MSH5: variants seen among roughly 807,000 people sequenced by gnomAD.
MSH5 encodes mutS protein homolog 5.
A neutral mutation model predicts 107.7 loss-of-function variants in MSH5; 78 were observed. That is an observed-to-expected ratio of 0.72 (90% CI 0.60 to 0.87). The LOEUF (loss-of-function observed/expected upper bound fraction) is 0.87. Ranked by LOEUF, MSH5 falls within the 40% of genes least tolerant of loss-of-function variation. The pLI, the probability that MSH5 is intolerant of heterozygous loss-of-function variation, is 0.00. For synonymous variants in MSH5, 326 were observed against 399.5 expected (o/e 0.82, Z 2.19); for missense variants, 889 against 1,046.6 (o/e 0.85, Z 2.08).
intron 5 of MSH5, 124 bp downstream of exon 5, chr6:31,743,294 A>G: frequency 1.0e-6 from 1 of 999,496 alleles, no homozygotes; most frequent in Non-Finnish European, 1.6e-6. Context: ...TGTGCTCCTC[A>G]TGCCCTATGA....
chr6:31,748,500 C>G (rs937787242), intron 10 of MSH5, among the ~76,000 whole-genome samples: 2 of 151,812 alleles, frequency 1.3e-5, no homozygotes, highest in South Asian at 2.1e-4. Context: ...AGGCGCCCAC[C>G]ACCACACCTG....
rs1235859444 is a variant in MSH5, at chr6:31,740,675, T to G, written c.147+62T>G. ...ATGGGAAGTTAGAATAAAAGAGGGT[T>G]GGGAGCCGGGCGCGGTGGCTCACAC... is the stretch of plus-strand genomic sequence containing the variant. On this transcript the variant is annotated intron_variant, in intron 2 of 24. Coordinates refer to ENST00000375750, the MANE Select transcript of MSH5 (RefSeq NM_172166.4). This position sits in a 1 kb window ranked among gnomAD's most constrained non-coding sequence, Gnocchi z 4.4. 7.0e-7 allele frequency: 1 copy of G among 1,430,740 alleles called. No homozygotes were observed. The highest frequency in any genetic ancestry group is 3.0e-5 in the Admixed American group (1 of 33,482). 88.6% of individuals were successfully genotyped at this position (1,430,740 alleles called of 1,614,324 possible).
rs760382710 is a variant in MSH5 at position 31,740,540 on chromosome 6, C to T, written c.74C>T (p.Pro25Leu). ...PRPGAASSGF[P>L]SPAPVPGPRE... The stretch of plus-strand genomic sequence containing the variant: ...CCTGGGGCGGCCTCCTCCGGCTTCC[C>T]CAGCCCGGCCCCAGTGCCGGGCCCC... Residue 25 changes from proline to leucine, a missense_variant, in exon 2 of 25, where the codon CCC (proline) becomes CTC (leucine). Physicochemically the swap from Pro to Leu is moderately conservative, Grantham distance 98. Transcript: ENST00000375750. The surrounding 1 kb of genome is among the most constrained non-coding windows in gnomAD (Gnocchi z 4.4). The T allele has an allele frequency of 2.6e-6, 4 of 1,532,688 alleles. No homozygotes were observed. Among genetic ancestry groups the T allele is most frequent in the Non-Finnish European group, 3.5e-6 (4 of 1,140,440 alleles). The allele number at this position is 1,532,688 out of a possible 1,614,324, so 94.9% of individuals were successfully genotyped here. A position where few individuals can be genotyped will look rare whatever the true frequency, so the allele number is the denominator to read the frequency against.
chr6:31,753,433 C>G lies in MSH5; in HGVS notation c.945C>G (p.Asn315Lys). The change falls in exon 11 of 25, where the codon AAC becomes AAG. Residue 315 changes from asparagine (N) to lysine (K), a missense_variant. Coordinates refer to ENST00000375750, the MANE Select transcript of MSH5 (RefSeq NM_172166.4). ...ATCGGCTCCTGGGTCACATCAAGAA[C>G]GTGCCTGTGAGCCCAGGGTGGAGGG... ...MLHRLLGHIK[N>K]VPLILKRMKL... is the part of the protein sequence containing the mutation. 1 of 1,613,780 alleles carries G rather than the reference C, an allele frequency of 6.2e-7. No homozygotes were observed. The highest frequency in any genetic ancestry group is 8.5e-7 in the Non-Finnish European group (1 of 1,179,792).
intron 10 of MSH5, among the ~76,000 whole-genome samples, chr6:31,752,131 A>G (rs1810012478): frequency 6.6e-6 from 1 of 150,928 alleles, no homozygotes; most frequent in South Asian, 2.1e-4. Flanking sequence ...ATATCTATAT[A>G]TCCATCAGCC....
In MSH5 at chr6:31,761,615, G is replaced by A. The variant is rs1481086459; in HGVS notation, c.2181G>A (p.Leu727=). Residue 727 remains leucine (L), a splice_region_variant and synonymous_variant, in exon 22 of 25, where the codon TTG becomes TTA. Transcript: ENST00000375750. This position sits in a 1 kb window ranked among gnomAD's most constrained non-coding sequence, Gnocchi z 5.3. ...CACAAGGGCCCCTGGTGCAGTATTT[G>A]GTGAGGAGACCAATCTAGCTCCTCG... ...LLPQGPLVQY[L]TMETCEDGND... 6.2e-7 allele frequency: 1 copy of A among 1,614,128 alleles called. No homozygotes were observed. The highest frequency in any genetic ancestry group is 2.2e-5 in the East Asian group (1 of 44,892).
Position 31,759,354 on chromosome 6 carries a change from G to C in MSH5, c.1408-71G>C. 1 of 1,522,290 alleles carries C rather than the reference G, an allele frequency of 6.6e-7. No individual in the cohort carries two copies. Among genetic ancestry groups the C allele is most frequent in the Non-Finnish European group, 9.1e-7 (1 of 1,099,718 alleles). 94.3% of individuals were successfully genotyped at this position (1,522,290 alleles called of 1,614,324 possible). On this transcript the variant is annotated intron_variant, in intron 16 of 24. Coordinates refer to ENST00000375750, the MANE Select transcript of MSH5 (RefSeq NM_172166.4). The surrounding 1 kb of genome is among the most constrained non-coding windows in gnomAD (Gnocchi z 4.7). ...AGTCAGAGTTAGGGGCTGGAGGTGG[G>C]GTTAGAAAGATGGGGAAGGAGAGGA...
At chr6:31,748,557 C>T (rs1809673913) in intron 10 of MSH5, among the ~76,000 whole-genome samples, 1 of 151,846 alleles carries the variant, frequency 6.6e-6, no homozygotes. Context: ...CCATGTTGGT[C>T]AGGCTGGTCT....
Position 31,761,673 on chromosome 6 carries a change from G to C in MSH5, c.2181+58G>C. ...CCAGGCTGGGCATTTCCCAGAGGTG[G>C]GGATTGGCTCCTCTATCAGAACAAG... On this transcript the variant is annotated intron_variant, in intron 22 of 24. Coordinates refer to ENST00000375750, the MANE Select transcript of MSH5 (RefSeq NM_172166.4). This position sits in a 1 kb window ranked among gnomAD's most constrained non-coding sequence, Gnocchi z 5.3. The C allele has an allele frequency of 6.2e-7, 1 of 1,613,390 alleles. No homozygotes were observed. The highest frequency in any genetic ancestry group is 8.5e-7 in the Non-Finnish European group (1 of 1,179,804).
At position 31,761,479 on chromosome 6, in the gene MSH5, G is replaced by A; in HGVS notation, c.2045G>A (p.Gly682Glu). Residue 682 changes from glycine (G) to glutamate (E), a missense_variant, in exon 22 of 25, where the codon GGG (glycine) becomes GAG (glutamate). By Grantham distance (98) the Gly-to-Glu change is moderately conservative. Around this residue, in one of 3 missense-constraint regions of MSH5, gnomAD observed 362 missense variants for 456.2 expected, o/e 0.79. Transcript: ENST00000375750. This position sits in a 1 kb window ranked among gnomAD's most constrained non-coding sequence, Gnocchi z 5.3. Reference sequence around the variant, plus strand: ...CCTCTGCCCTCTTTGCAGGTGGATGGGCTCGCGCTTCTGGCCGCTGTGCTC... The same window carrying A: ...CCTCTGCCCTCTTTGCAGGTGGATGAGCTCGCGCTTCTGGCCGCTGTGCTC... Reference protein sequence around the residue: ...EFGKGTNTVDGLALLAAVLRH... With the variant: ...EFGKGTNTVDELALLAAVLRH... 6.2e-7 allele frequency: 1 copy of A among 1,613,016 alleles called. No individual in the cohort carries two copies. The highest frequency in any genetic ancestry group is 1.3e-5 in the African/African-American group (1 of 75,032).
chr6:31,740,457 C>G lies in MSH5; in HGVS notation c.-10C>G. ...CCCTCACTTTTTGCATCCGCAGAGC[C>G]TCCAAGCTCATGGCCTCCTTAGGAG... is the stretch of plus-strand genomic sequence containing the variant. On this transcript the variant is annotated 5_prime_UTR_variant, in exon 2 of 25. Transcript: ENST00000375750. This position sits in a 1 kb window ranked among gnomAD's most constrained non-coding sequence, Gnocchi z 4.4. The G allele has an allele frequency of 6.4e-7, 1 of 1,558,066 alleles. No homozygotes were observed. Among genetic ancestry groups the G allele is most frequent in the South Asian group, 1.2e-5 (1 of 84,596 alleles).
In MSH5 at chr6:31,741,175, G is replaced by A. The variant is rs776092248; in HGVS notation, c.160G>A (p.Val54Met). The change falls in exon 3 of 25, where the codon GTG becomes ATG. Residue 54 changes from valine to methionine, a missense_variant. This residue lies in a region of MSH5 where 518 missense variants were observed against 565.0 expected (regional missense o/e 0.92). Coordinates refer to ENST00000375750, the MANE Select transcript of MSH5 (RefSeq NM_172166.4). ...EEELAEIHLC[V>M]LWNSGYLGIA... ...CCTTGCTGGACAGATCCATCTGTGT[G>A]TGCTGTGGAATTCAGGATACTTGGG... The A allele has an allele frequency of 9.3e-6, 15 of 1,612,834 alleles. No individual in the cohort carries two copies. The highest frequency in any genetic ancestry group is 1.6e-4 in the Middle Eastern group (1 of 6,084).
chr6:31,753,485 G>A (rs781056861), intron 11 of MSH5, 46 bp downstream of exon 11: 2 of 1,612,880 alleles, frequency 1.2e-6, no homozygotes, highest in South Asian at 1.1e-5. Flanking sequence ...GAGGTTGAGG[G>A]CTGATACTGG....
In MSH5 at chr6:31,758,771, C is replaced by T. The variant is rs772734061; in HGVS notation, c.1222C>T (p.Arg408Ter). 1.9e-6 allele frequency: 3 copies of T among 1,614,040 alleles called. No homozygotes were observed. Among genetic ancestry groups the T allele is most frequent in the South Asian group, 2.2e-5 (2 of 91,074 alleles). ...NIDPEIDEKK[R>*]RLMGLPSFLT... ...CGTGTCTTCCACCCTCGTAGAAAAG[C>T]GAAGACTGATGGGACTTCCCAGTTT... The change falls in exon 15 of 25, where the codon CGA (arginine) becomes TGA (stop). Residue 408 changes from arginine to a stop codon, truncating the protein, a stop_gained. Transcript: ENST00000375750. LOFTEE classifies it high-confidence loss of function. This position sits in a 1 kb window ranked among gnomAD's most constrained non-coding sequence, Gnocchi z 5.1.
chr6:31,753,833 A>ATT, intron 12 of MSH5: 1 of 528,730 alleles, frequency 1.9e-6, no homozygotes, highest in Non-Finnish European at 3.4e-6. Flanking sequence ...GGTTCAAGCA[A>ATT]TTCTGCCTCA....
rs1483844050 is a variant in MSH5, at chr6:31,762,402, A to G, written c.2394-18A>G. 6.3e-7 allele frequency: 1 copy of G among 1,591,734 alleles called. No individual in the cohort carries two copies. Among genetic ancestry groups the G allele is most frequent in the Non-Finnish European group, 8.6e-7 (1 of 1,160,012 alleles). ...TGTCCATTCTGCCATAAATCTTGCG[A>G]TTTTCTCTCTTCTTCAGTTGCCAGA... is the stretch of plus-strand genomic sequence containing the variant. On this transcript the variant is annotated intron_variant, in intron 24 of 24. Coordinates refer to ENST00000375750, the MANE Select transcript of MSH5 (RefSeq NM_172166.4).
intron 10 of MSH5, among the ~76,000 whole-genome samples, chr6:31,752,904 C>T (rs1293302281): frequency 6.6e-6 from 1 of 152,152 alleles, no homozygotes; most frequent in Non-Finnish European, 1.5e-5. Flanking sequence ...CCCAGAGACA[C>T]TTTCACAGCT....
rs1811060380 is a variant in MSH5 at position 31,762,017 on chromosome 6, C to T, written c.2319+62C>T. 7.4e-6 allele frequency: 12 copies of T among 1,612,530 alleles called. No homozygotes were observed. The South Asian group carries it at 1.3e-4, about 18-fold the overall frequency. Reference sequence around the variant, plus strand: ...GAGCTCCCTTTCATTCCTAGTCCTACTGGGCCTGGGTCTAGGTCCACAGGA... The same window carrying T: ...GAGCTCCCTTTCATTCCTAGTCCTATTGGGCCTGGGTCTAGGTCCACAGGA... On this transcript the variant is annotated intron_variant, in intron 23 of 24. Transcript: ENST00000375750.
In MSH5 at chr6:31,761,167, T is replaced by A; in HGVS notation, c.1963-21T>A. On this transcript the variant is annotated intron_variant, in intron 20 of 24. Transcript: ENST00000375750. This position sits in a 1 kb window ranked among gnomAD's most constrained non-coding sequence, Gnocchi z 5.3. ...CGGGCTTCCAATACTAACTTTCCCT[T>A]GTCCACCTTATACCCAGCAGGTGGC... 1.9e-6 allele frequency: 3 copies of A among 1,611,838 alleles called. No individual in the cohort carries two copies. Among genetic ancestry groups the A allele is most frequent in the Non-Finnish European group, 2.5e-6 (3 of 1,178,922 alleles).
Sources: gnomAD v4.1 joint callset for allele counts (sites outside exome capture counted in the v4.1 genomes callset) on GRCh38, gnomAD v4.1.1 for gene constraint, gnomAD v4.1.1 regional missense constraint, Gnocchi (gnomAD v3.1) non-coding constraint, MANE v1.5 for transcripts, NCBI Gene and HGNC (gene_info 2026-07-23, HGNC 2026-07-21) for gene names.